Variants in IL1RAPL1 observed in about 807,000 individuals in gnomAD.
The protein encoded by IL1RAPL1 is interleukin 1 receptor accessory protein like 1, also known as interleukin-1 receptor accessory protein-like 1.
A neutral mutation model predicts 48.4 loss-of-function variants in IL1RAPL1; 3 were observed. The ratio of observed to expected loss-of-function variants is 0.06; its 90% CI spans 0.03 to 0.16. IL1RAPL1 has a LOEUF of 0.16. Ranked by LOEUF, IL1RAPL1 falls within the 10% of genes least tolerant of loss-of-function variation. The pLI, the probability that IL1RAPL1 is intolerant of heterozygous loss-of-function variation, is 1.00. For synonymous variants in IL1RAPL1, 185 were observed against 187.7 expected (o/e 0.99, Z 0.12); for missense variants, 349 against 530.6 (o/e 0.66, Z 3.36).
intron 2 of IL1RAPL1, among the ~76,000 whole-genome samples, chrX:28,909,961 T>C (rs1262906704): frequency 8.9e-6 from 1 of 112,036 alleles, no homozygotes; most frequent in African/African-American, 3.2e-5. Flanking sequence ...AATTCTTGTT[T>C]ATTCTTTTGA....
chrX:29,242,470 T>C (rs895525415), intron 2 of IL1RAPL1, among the ~76,000 whole-genome samples: 2 of 112,204 alleles, frequency 1.8e-5, no homozygotes, highest in African/African-American at 3.2e-5. Flanking sequence ...ACCTCAATTA[T>C]GATTACAGTC....
At chrX:29,287,065 G>A (rs1932294464) in intron 3 of IL1RAPL1, among the ~76,000 whole-genome samples, 1 of 110,523 alleles carries the variant, frequency 9.0e-6, no homozygotes, top group Admixed American at 9.6e-5. Flanking sequence ...CCCTCCTATT[G>A]TTCTTTTATA....
intron 2 of IL1RAPL1, among the ~76,000 whole-genome samples, chrX:28,971,659 G>A (rs1925073638): frequency 9.0e-6 from 1 of 111,527 alleles, no homozygotes; most frequent in South Asian, 3.7e-4. Flanking sequence ...AATCTTTTAA[G>A]CTTAGAAGAA....
intron 2 of IL1RAPL1, among the ~76,000 whole-genome samples, chrX:28,894,974 T>A (rs1922873141): frequency 9.0e-6 from 1 of 110,819 alleles, no homozygotes; most frequent in African/African-American, 3.3e-5. Flanking sequence ...ATGGGGGCTG[T>A]CTGTGAAGCT....
chrX:28,931,100 G>C (rs1411904453), intron 2 of IL1RAPL1, among the ~76,000 whole-genome samples: 4 of 111,616 alleles, frequency 3.6e-5, no homozygotes, highest in Non-Finnish European at 7.5e-5. Context: ...TAACTACTTA[G>C]ATTGTTTAAA....
intron 2 of IL1RAPL1, among the ~76,000 whole-genome samples, chrX:29,010,963 AGTT>A (rs1226803054): frequency 8.9e-6 from 1 of 112,087 alleles, no homozygotes; most frequent in Non-Finnish European, 1.9e-5. Context: ...AAAAATTGTT[AGTT>A]GTTCTTATTT....
At chrX:29,040,955 ATATAT>A (rs1327666241) in intron 2 of IL1RAPL1, among the ~76,000 whole-genome samples, 1 of 112,311 alleles carries the variant, frequency 8.9e-6, no homozygotes, top group African/African-American at 3.2e-5. Flanking sequence ...CTTTCTTCTA[ATATAT>A]TATATTTGGT....
intron 6 of IL1RAPL1, among the ~76,000 whole-genome samples, chrX:29,823,336 A>G (rs1386188121): frequency 1.8e-5 from 2 of 112,011 alleles, no homozygotes; most frequent in Admixed American, 1.9e-4. Flanking sequence ...CGTTTTTCCA[A>G]GATGCTTCAA....
At chrX:28,680,865 T>C (rs772092551) in intron 1 of IL1RAPL1, among the ~76,000 whole-genome samples, 36 of 111,994 alleles carry the variant, frequency 3.2e-4, no homozygotes, top group African/African-American at 1.1e-3. Context: ...TCTGATATTT[T>C]GTGGAGGATT....
chrX:29,182,105 C>G (rs373363227), intron 2 of IL1RAPL1, among the ~76,000 whole-genome samples: 1 of 55,432 alleles, frequency 1.8e-5, no homozygotes, highest in East Asian at 1.0e-3. Flanking sequence ...TTTAGCCTTG[C>G]CCCCCCCCAC....
At position 29,871,152 on chromosome X, in the gene IL1RAPL1, T is replaced by A. The variant is rs758325057; in HGVS notation, c.779-46312T>A. 8.9e-5 allele frequency among the ~76,000 whole-genome samples: 10 copies of A among 112,098 alleles called. No homozygotes were observed. The East Asian group carries it at 2.8e-3, about 32-fold the overall frequency. ...CGGCAACGTCTAATCTCTCTGGCCC[T>A]TTTTTCCATGCTGTATCTCTGATCA... On this transcript the variant is annotated intron_variant, in intron 6 of 10. Coordinates refer to ENST00000378993, the MANE Select transcript of IL1RAPL1 (RefSeq NM_014271.4).
intron 2 of IL1RAPL1, among the ~76,000 whole-genome samples, chrX:29,234,295 A>G (rs193069599): frequency 2.2e-4 from 25 of 112,371 alleles, no homozygotes; most frequent in Admixed American, 2.1e-3. Context: ...GCAGCAATAA[A>G]TAACAATAAA....
chrX:29,539,172 A>G (rs1324665586), intron 5 of IL1RAPL1, among the ~76,000 whole-genome samples: 3 of 111,773 alleles, frequency 2.7e-5, no homozygotes, highest in Non-Finnish European at 5.6e-5. Context: ...ACAGAATACT[A>G]GCAAACTGAA....
At chrX:28,850,517 G>A (rs1353985080) in intron 2 of IL1RAPL1, among the ~76,000 whole-genome samples, 2 of 111,129 alleles carry the variant, frequency 1.8e-5, no homozygotes, top group Admixed American at 1.9e-4. Context: ...ACAGTGTAAA[G>A]CTTGTTTTCC....
At chrX:29,371,436 A>G (rs949411047) in intron 3 of IL1RAPL1, among the ~76,000 whole-genome samples, 2 of 111,265 alleles carry the variant, frequency 1.8e-5, no homozygotes, top group African/African-American at 6.5e-5. Flanking sequence ...CTGGCCCTAA[A>G]TGTACTTTTT....
Position 28,986,910 on chromosome X carries a change from G to A in IL1RAPL1, c.82+197485G>A, listed in dbSNP as rs777736611. On this transcript the variant is annotated intron_variant, in intron 2 of 10. Coordinates refer to ENST00000378993, the MANE Select transcript of IL1RAPL1 (RefSeq NM_014271.4). Reference sequence around the variant, plus strand: ...TGTCAAAGAAGAGCCACTCCGTGATGTAATTTGCATGGTCATATATATATG... The same window carrying A: ...TGTCAAAGAAGAGCCACTCCGTGATATAATTTGCATGGTCATATATATATG... Among the ~76,000 whole-genome samples, 63 of 112,082 alleles carry A rather than the reference G, an allele frequency of 5.6e-4. No homozygotes were observed. In the Admixed American group the frequency reaches 6.0e-3, roughly 11 times the overall value.
At chrX:28,642,023 T>C (rs1337234213) in intron 1 of IL1RAPL1, among the ~76,000 whole-genome samples, 1 of 111,440 alleles carries the variant, frequency 9.0e-6, no homozygotes, top group African/African-American at 3.3e-5. Context: ...TAGTCTCTGA[T>C]AAAACAGACT....
At chrX:28,706,405 T>G (rs1377843504) in intron 1 of IL1RAPL1, among the ~76,000 whole-genome samples, 2 of 108,167 alleles carry the variant, frequency 1.8e-5, no homozygotes, top group Non-Finnish European at 3.8e-5. Flanking sequence ...TTTTCTTCCT[T>G]TCTTTCTTTC....
chrX:29,434,970 C>CATTA (rs1934465640), intron 5 of IL1RAPL1, among the ~76,000 whole-genome samples: 1 of 110,918 alleles, frequency 9.0e-6, no homozygotes, highest in Middle Eastern at 4.2e-3. Context: ...TTGAATTCTG[C>CATTA]CTCTTCTACC....
Sources: allele counts gnomAD v4.1 joint callset (sites outside exome capture counted in the v4.1 genomes callset), GRCh38; gene constraint gnomAD v4.1.1; transcripts MANE v1.5; gene names NCBI Gene and HGNC (gene_info 2026-07-23, HGNC 2026-07-21).